ZMIZ1: variants seen among roughly 807,000 people sequenced by gnomAD.
ZMIZ1 encodes the protein zinc finger MIZ domain-containing protein 1.
A neutral mutation model predicts 113.9 loss-of-function variants in ZMIZ1; 17 were observed. The observed-to-expected ratio is 0.15, with a 90% confidence interval of 0.10 to 0.22. ZMIZ1 has a LOEUF of 0.22. ZMIZ1 is among the 10% of genes least tolerant of loss of function. ZMIZ1 has a pLI of 1.00. For missense variants in ZMIZ1, 1,059 were observed against 1,477.8 expected (o/e 0.72, Z 4.65); for synonymous variants, 607 against 603.1 (o/e 1.01, Z -0.09).
At chr10:79,087,561 G>T (rs773622918) in intron 1 of ZMIZ1, among the ~76,000 whole-genome samples, 1 of 152,170 alleles carries the variant, frequency 6.6e-6, no homozygotes, top group Non-Finnish European at 1.5e-5. Context: ...TCTACCTCCA[G>T]CTTCCCCTTT....
rs570298855 is a variant in ZMIZ1 at position 79,081,871 on chromosome 10, A to G, written c.-337+12601A>G. ...ACTGCATCGGGGAGTGTAATGTTTC[A>G]TTACCATGTGCAATGATGGTAATGG... On this transcript the variant is annotated intron_variant, in intron 1 of 24. Coordinates refer to ENST00000334512, the MANE Select transcript of ZMIZ1 (RefSeq NM_020338.4). Among the ~76,000 whole-genome samples, 4 of 152,324 alleles carry G rather than the reference A, an allele frequency of 2.6e-5. No individual in the cohort carries two copies. The South Asian group carries it at 6.2e-4, about 24-fold the overall frequency.
intron 7 of ZMIZ1, among the ~76,000 whole-genome samples, chr10:79,263,020 G>C (rs1589515990): frequency 6.6e-6 from 1 of 152,376 alleles, no homozygotes; most frequent in South Asian, 2.1e-4. Flanking sequence ...TGGATGAATG[G>C]ATAAGAGGGA....
intron 7 of ZMIZ1, among the ~76,000 whole-genome samples, chr10:79,260,481 C>G (rs1378188985): frequency 6.6e-6 from 1 of 152,118 alleles, no homozygotes; most frequent in Non-Finnish European, 1.5e-5. Context: ...CGAGAACCTT[C>G]CAGGCAGAGG....
chr10:79,208,265 C>G, intron 5 of ZMIZ1, 71 bp from the exon 6 acceptor site: 1 of 1,394,696 alleles, frequency 7.2e-7, no homozygotes. Flanking sequence ...CTTCCCACCC[C>G]AGACCCCCAC....
intron 1 of ZMIZ1, among the ~76,000 whole-genome samples, chr10:79,085,840 G>A (rs1004772406): frequency 7.9e-5 from 12 of 152,138 alleles, no homozygotes; most frequent in Admixed American, 5.2e-4. Context: ...CCATCACAAC[G>A]TGCCTTTCCC....
chr10:79,312,087 A>C (rs1412950340), intron 24 of ZMIZ1, among the ~76,000 whole-genome samples: 1 of 152,074 alleles, frequency 6.6e-6, no homozygotes, highest in Non-Finnish European at 1.5e-5. Flanking sequence ...CATGTGACAG[A>C]CTCCAAGGAT....
chr10:79,293,612 T>G lies in ZMIZ1; in HGVS notation c.1189T>G (p.Ser397Ala). The G allele has an allele frequency of 2.5e-6, 4 of 1,613,024 alleles. No individual in the cohort carries two copies. The highest frequency in any genetic ancestry group is 3.4e-6 in the Non-Finnish European group (4 of 1,179,994). The change falls in exon 12 of 25, where the codon TCC (serine) becomes GCC (alanine). Residue 397 changes from serine to alanine, a missense_variant. By Grantham distance (99) the Ser-to-Ala change is moderately conservative. This residue lies in a region of ZMIZ1 where 239 missense variants were observed against 247.5 expected (regional missense o/e 0.97). Coordinates refer to ENST00000334512, the MANE Select transcript of ZMIZ1 (RefSeq NM_020338.4). Reference sequence around the variant, plus strand: ...GACCTACCCGGGCCCCCGGCCCCAGTCCCTTCCTATTCAGAACATAAAGAG... The same window carrying G: ...GACCTACCCGGGCCCCCGGCCCCAGGCCCTTCCTATTCAGAACATAAAGAG... ...QQTYPGPRPQSLPIQNIKRPY... is the reference protein window; with the variant it reads ...QQTYPGPRPQALPIQNIKRPY...
chr10:79,133,912 C>G (rs1373913067), intron 2 of ZMIZ1, among the ~76,000 whole-genome samples: 1 of 152,226 alleles, frequency 6.6e-6, no homozygotes, highest in Non-Finnish European at 1.5e-5. Context: ...AATTACCATT[C>G]ATTTTGCATT....
intron 3 of ZMIZ1, among the ~76,000 whole-genome samples, chr10:79,154,847 G>A (rs1232451826): frequency 1.3e-5 from 2 of 152,146 alleles, no homozygotes; most frequent in African/African-American, 4.8e-5. Context: ...TCTGTGATAC[G>A]GGGTTCAGTG....
At chr10:79,129,353 T>G (rs772101291) in intron 2 of ZMIZ1, among the ~76,000 whole-genome samples, 13 of 152,200 alleles carry the variant, frequency 8.5e-5, no homozygotes, top group Admixed American at 5.9e-4. Flanking sequence ...AACCTGTCAC[T>G]TGTGGGCAAA....
At chr10:79,149,907 T>C (rs889521648) in intron 3 of ZMIZ1, among the ~76,000 whole-genome samples, 7 of 152,172 alleles carry the variant, frequency 4.6e-5, no homozygotes, top group Admixed American at 2.0e-4. Context: ...AGCAGCACTT[T>C]TGTCGAGGCC....
At chr10:79,310,423 C>G (rs1158731340) in intron 23 of ZMIZ1, among the ~76,000 whole-genome samples, 1 of 152,224 alleles carries the variant, frequency 6.6e-6, no homozygotes, top group African/African-American at 2.4e-5. Context: ...CCAGGGCCCA[C>G]TTGGGAGGTG....
intron 15 of ZMIZ1, 96 bp from the exon 16 acceptor site, chr10:79,298,954 T>C: frequency 6.8e-7 from 1 of 1,476,096 alleles, no homozygotes; most frequent in Non-Finnish European, 9.0e-7. Flanking sequence ...TGCCTTCCTC[T>C]GAGCATGCAG....
In ZMIZ1 at chr10:79,163,923, C is replaced by T. The variant is rs11002855; in HGVS notation, c.-50+1790C>T. 8.9e-3 allele frequency among the ~76,000 whole-genome samples: 1,358 copies of T among 152,262 alleles called. 12 individuals carry two copies. The highest frequency in any genetic ancestry group is 0.023 in the African/African-American group (936 of 41,548). ...TCTCCTTCACGGTGGGTTCTCTTTT[C>T]GGATGTTTTTCAAGGTAATTCATTC... On this transcript the variant is annotated intron_variant, in intron 4 of 24. Coordinates refer to ENST00000334512, the MANE Select transcript of ZMIZ1 (RefSeq NM_020338.4).
At chr10:79,231,167 C>T (rs902159615) in intron 7 of ZMIZ1, among the ~76,000 whole-genome samples, 4 of 152,254 alleles carry the variant, frequency 2.6e-5, no homozygotes, top group South Asian at 4.1e-4. Context: ...ACAGCTGCTA[C>T]ACAGGGGCCA....
At chr10:79,163,478 TCA>T (rs1280124006) in intron 4 of ZMIZ1, among the ~76,000 whole-genome samples, 4 of 152,272 alleles carry the variant, frequency 2.6e-5, no homozygotes, top group African/African-American at 9.6e-5. Flanking sequence ...TTTTTAAATG[TCA>T]CAGTCTCGTG....
intron 4 of ZMIZ1, among the ~76,000 whole-genome samples, chr10:79,192,227 C>T (rs1449405290): frequency 1.3e-5 from 2 of 152,246 alleles, no homozygotes; most frequent in Non-Finnish European, 1.5e-5. Context: ...AGGATCCCAG[C>T]CCTGTGTGGG....
intron 3 of ZMIZ1, among the ~76,000 whole-genome samples, chr10:79,153,128 G>T (rs1845773717): frequency 6.6e-6 from 1 of 152,196 alleles, no homozygotes; most frequent in African/African-American, 2.4e-5. Flanking sequence ...GGCATCCTAG[G>T]ACTTCCCTGA....
intron 7 of ZMIZ1, among the ~76,000 whole-genome samples, chr10:79,272,124 C>T (rs1851985180): frequency 6.6e-6 from 1 of 151,796 alleles, no homozygotes; most frequent in Admixed American, 6.6e-5. Context: ...TATATATATA[C>T]ACACACACAA....
Sources: gnomAD v4.1 joint callset for allele counts (sites outside exome capture counted in the v4.1 genomes callset) on GRCh38, gnomAD v4.1.1 for gene constraint, gnomAD v4.1.1 regional missense constraint, MANE v1.5 for transcripts, NCBI Gene and HGNC (gene_info 2026-07-23, HGNC 2026-07-21) for gene names.